The following PLXDC2 variants were observed in gnomAD, a reference collection of about 807,000 sequenced individuals.
The protein encoded by PLXDC2 is plexin domain-containing protein 2.
In PLXDC2, 40 loss-of-function variants were observed where a neutral mutation model predicts 68.9. That is an observed-to-expected ratio of 0.58 (90% CI 0.45 to 0.76). PLXDC2 has a LOEUF of 0.76. Ranked by LOEUF, PLXDC2 falls within the 30% of genes least tolerant of loss-of-function variation. The pLI is 0.00. For synonymous variants in PLXDC2, 243 were observed against 234.2 expected (o/e 1.04, Z -0.34); for missense variants, 644 against 661.9 (o/e 0.97, Z 0.30).
At chr10:20,042,900 C>T (rs1231924955) in intron 2 of PLXDC2, among the ~76,000 whole-genome samples, 1 of 152,150 alleles carries the variant, frequency 6.6e-6, no homozygotes, top group Non-Finnish European at 1.5e-5. Flanking sequence ...CACATGGTGC[C>T]ACCTACTTTC....
At chr10:20,021,046 C>T (rs79520036) in intron 2 of PLXDC2, among the ~76,000 whole-genome samples, 2,799 of 152,184 alleles carry the variant, frequency 0.018, 40 homozygotes, top group Middle Eastern at 0.038. Flanking sequence ...TATTTTTAAA[C>T]GTCACTAAAC....
At chr10:20,030,094 A>G (rs536502298) in intron 2 of PLXDC2, among the ~76,000 whole-genome samples, 2 of 152,332 alleles carry the variant, frequency 1.3e-5, no homozygotes, top group South Asian at 4.1e-4. Flanking sequence ...TAAGAGTATT[A>G]TGAAATAATG....
At chr10:20,025,497 G>A (rs1443767773) in intron 2 of PLXDC2, among the ~76,000 whole-genome samples, 1 of 151,996 alleles carries the variant, frequency 6.6e-6, no homozygotes, top group African/African-American at 2.4e-5. Context: ...CCCGACCTCA[G>A]GTGATCTGCC....
intron 12 of PLXDC2, among the ~76,000 whole-genome samples, chr10:20,234,494 G>A (rs1469535668): frequency 1.3e-5 from 2 of 152,088 alleles, no homozygotes; most frequent in African/African-American, 4.8e-5. Context: ...GCCAGTATTG[G>A]TGCAAAGCAG....
At chr10:20,062,161 C>T (rs1836116887) in intron 3 of PLXDC2, among the ~76,000 whole-genome samples, 1 of 152,226 alleles carries the variant, frequency 6.6e-6, no homozygotes, top group Non-Finnish European at 1.5e-5. Context: ...CACGGTGGCT[C>T]ACGCCTGTAA....
chr10:20,271,790 T>C (rs1835944199), intron 13 of PLXDC2, among the ~76,000 whole-genome samples: 2 of 152,124 alleles, frequency 1.3e-5, no homozygotes, highest in East Asian at 1.9e-4. Flanking sequence ...TGCAGTGCCA[T>C]GTAATAGCCA....
chr10:19,974,364 G>A (rs1487187590), intron 1 of PLXDC2, among the ~76,000 whole-genome samples: 2 of 152,224 alleles, frequency 1.3e-5, no homozygotes, highest in African/African-American at 2.4e-5. Flanking sequence ...CTGTGGCCCA[G>A]AGAGGGCTGT....
intron 1 of PLXDC2, among the ~76,000 whole-genome samples, chr10:19,857,551 C>A (rs1273396784): frequency 6.6e-6 from 1 of 152,158 alleles, no homozygotes; most frequent in Non-Finnish European, 1.5e-5. Flanking sequence ...AACAATTTTT[C>A]TAGTTAGTGG....
intron 13 of PLXDC2, among the ~76,000 whole-genome samples, chr10:20,261,203 C>A (rs1198096545): frequency 1.3e-5 from 2 of 152,138 alleles, no homozygotes; most frequent in African/African-American, 4.8e-5. Flanking sequence ...TATGTAATCT[C>A]ACTTTTTAAT....
chr10:20,233,404 TC>T (rs1483078466), intron 12 of PLXDC2, among the ~76,000 whole-genome samples: 1 of 151,530 alleles, frequency 6.6e-6, no homozygotes, highest in Non-Finnish European at 1.5e-5. Flanking sequence ...GTGCACAACT[TC>T]CCATGTAGTT....
In PLXDC2 at chr10:20,177,101, G is replaced by A. The variant is rs755189207; in HGVS notation, c.979+7G>A. 10 of 1,585,908 alleles carry A rather than the reference G, an allele frequency of 6.3e-6. No individual in the cohort carries two copies. Among genetic ancestry groups the A allele is most frequent in the South Asian group, 2.2e-5 (2 of 90,406 alleles). Reference sequence around the variant, plus strand: ...GAGATGACCCCATTACCCAGTAAGCGAATATGTAAACCTAGGTGGAAAACA... The same window carrying A: ...GAGATGACCCCATTACCCAGTAAGCAAATATGTAAACCTAGGTGGAAAACA... On this transcript the variant is annotated splice_region_variant and intron_variant, in intron 8 of 13. Coordinates refer to ENST00000377252, the MANE Select transcript of PLXDC2 (RefSeq NM_032812.9).
chr10:20,227,651 T>C (rs932002372), intron 12 of PLXDC2, among the ~76,000 whole-genome samples: 4 of 152,160 alleles, frequency 2.6e-5, no homozygotes, highest in African/African-American at 9.7e-5. Context: ...GCATTCATAG[T>C]CTTTTACGCC....
chr10:20,031,184 A>T (rs535680210), intron 2 of PLXDC2, among the ~76,000 whole-genome samples: 1 of 152,270 alleles, frequency 6.6e-6, no homozygotes, highest in South Asian at 2.1e-4. Context: ...CCTGGGCAAC[A>T]TAGTGAGGCC....
At chr10:19,833,272 G>T (rs1242187974) in intron 1 of PLXDC2, among the ~76,000 whole-genome samples, 1 of 152,188 alleles carries the variant, frequency 6.6e-6, no homozygotes, top group Non-Finnish European at 1.5e-5. Context: ...TGCAGGTCTG[G>T]GAAAAATTCA....
chr10:20,018,158 G>A (rs750604101), intron 2 of PLXDC2, among the ~76,000 whole-genome samples: 1 of 152,162 alleles, frequency 6.6e-6, no homozygotes, highest in Non-Finnish European at 1.5e-5. Flanking sequence ...TCTCCAGTGG[G>A]CCCCCAGTTG....
intron 4 of PLXDC2, among the ~76,000 whole-genome samples, chr10:20,102,476 T>G (rs1342575386): frequency 6.6e-6 from 1 of 152,234 alleles, no homozygotes; most frequent in Non-Finnish European, 1.5e-5. Flanking sequence ...CTCCTTTATT[T>G]CTATTAAATG....
rs544492481 is a variant in PLXDC2, at chr10:19,840,051, G to A, written c.112+22860G>A. ...GTGTAATGTTACTGGAACCCAAAGG[G>A]TTTGTTCACCACTCTCCTGTCATTT... On this transcript the variant is annotated intron_variant, in intron 1 of 13. Coordinates refer to ENST00000377252, the MANE Select transcript of PLXDC2 (RefSeq NM_032812.9). Among the ~76,000 whole-genome samples the A allele has an allele frequency of 3.3e-5, 5 of 152,246 alleles. No individual in the cohort carries two copies. The South Asian group carries it at 1.0e-3, about 32-fold the overall frequency.
Position 20,217,495 on chromosome 10 carries a change from G to A in PLXDC2, c.1192G>A (p.Ala398Thr). The change falls in exon 11 of 14, where the codon GCG (alanine) becomes ACG (threonine). Residue 398 changes from alanine (A) to threonine (T), a missense_variant. Coordinates refer to ENST00000377252, the MANE Select transcript of PLXDC2 (RefSeq NM_032812.9). ...TSSRTTTTVGATTTQFRVLTT... is the reference protein window; with the variant it reads ...TSSRTTTTVGTTTTQFRVLTT... Reference sequence around the variant, plus strand: ...TTCTCGAACCACCACAACCGTAGGAGCGACAACCACCCAGTTCAGGGTCCT... The same window carrying A: ...TTCTCGAACCACCACAACCGTAGGAACGACAACCACCCAGTTCAGGGTCCT... 1 of 1,612,386 alleles carries A rather than the reference G, an allele frequency of 6.2e-7. No individual in the cohort carries two copies. Among genetic ancestry groups the A allele is most frequent in the Non-Finnish European group, 8.5e-7 (1 of 1,179,156 alleles).
chr10:19,965,613 A>G (rs545937546), intron 1 of PLXDC2, among the ~76,000 whole-genome samples: 64 of 151,922 alleles, frequency 4.2e-4, no homozygotes, highest in Admixed American at 3.5e-3. Context: ...TTGTGGTGCT[A>G]GCACATACCT....
Sources: gnomAD v4.1 joint callset for allele counts (sites outside exome capture counted in the v4.1 genomes callset) on GRCh38, gnomAD v4.1.1 for gene constraint, MANE v1.5 for transcripts, NCBI Gene and HGNC (gene_info 2026-07-23, HGNC 2026-07-21) for gene names.